AMMECR1: variants seen among roughly 807,000 people sequenced by gnomAD.
The protein encoded by AMMECR1 is AMMECR nuclear protein 1.
Under a neutral mutation model 22.5 loss-of-function variants are expected in AMMECR1, and 3 were observed. The ratio of observed to expected loss-of-function variants is 0.13; its 90% CI spans 0.06 to 0.35. AMMECR1 has a LOEUF of 0.35. Among genes scored for constraint, AMMECR1 ranks in the 10% least tolerant of loss-of-function variants. The pLI is 1.00. For synonymous variants in AMMECR1, 130 were observed against 116.7 expected (o/e 1.11, Z -0.74); for missense variants, 235 against 278.7 (o/e 0.84, Z 1.12).
chrX:110,350,843 G>T (rs1211366885), intron 2 of AMMECR1, among the ~76,000 whole-genome samples: 1 of 109,860 alleles, frequency 9.1e-6, no homozygotes, highest in Admixed American at 9.7e-5. Flanking sequence ...ATGGTGGCAC[G>T]CACCCTGTGA....
In AMMECR1 at chrX:110,194,482, AAAG is replaced by A. The variant is rs1418651334; in HGVS notation, c.*4035_*4037del. 1.8e-5 allele frequency: 2 copies of A among 112,054 alleles called. No homozygotes were observed. Among genetic ancestry groups the A allele is most frequent in the Non-Finnish European group, 3.8e-5 (2 of 53,217 alleles). 9.2% of individuals were successfully genotyped at this position (112,054 alleles called of 1,213,427 possible). A position where few individuals can be genotyped will look rare whatever the true frequency, so the allele number is the denominator to read the frequency against. On this transcript the variant is annotated 3_prime_UTR_variant, in exon 6 of 6. Transcript: ENST00000262844. ...GGTAATCAAAAAACAGGTTACTAAG[AAAG>A]AAGGAAAAGAGGAGCTACTCCAGGT...
chrX:110,408,738 C>A (rs921508430), intron 2 of AMMECR1, among the ~76,000 whole-genome samples: 2 of 112,042 alleles, frequency 1.8e-5, no homozygotes, highest in African/African-American at 6.5e-5. Context: ...CTGTTGCATT[C>A]ATGGGGATTC....
intron 2 of AMMECR1, among the ~76,000 whole-genome samples, chrX:110,361,898 C>T (rs2068266018): frequency 8.9e-6 from 1 of 111,951 alleles, no homozygotes; most frequent in African/African-American, 3.2e-5. Context: ...TATACAAAAG[C>T]TGCCATAGAT....
chrX:110,326,814 A>G (rs111632309), intron 2 of AMMECR1, among the ~76,000 whole-genome samples: 1,296 of 111,999 alleles, frequency 0.012, 19 homozygotes, highest in African/African-American at 0.04. Flanking sequence ...AGATAAGGAG[A>G]TCAGTCAGGA....
At chrX:110,294,848 T>G (rs1369720409) in intron 1 of AMMECR1, among the ~76,000 whole-genome samples, 3 of 110,878 alleles carry the variant, frequency 2.7e-5, no homozygotes, top group African/African-American at 6.6e-5. Context: ...CAATTACTTT[T>G]GCACCAACCT....
At chrX:110,386,626 G>A (rs1044386687) in intron 2 of AMMECR1, among the ~76,000 whole-genome samples, 1 of 111,508 alleles carries the variant, frequency 9.0e-6, no homozygotes, top group Non-Finnish European at 1.9e-5. Context: ...GTCATTCTGT[G>A]TAATTTTTTT....
chrX:110,439,909 AC>A (rs2068867486), exon 1 of AMMECR1: 1 of 110,715 alleles, frequency 9.0e-6, no homozygotes, highest in African/African-American at 3.3e-5. Context: ...AGAATTTGGA[AC>A]AGGAAAATGG....
intron 4 of AMMECR1, among the ~76,000 whole-genome samples, chrX:110,201,675 T>C (rs1460585330): frequency 8.9e-6 from 1 of 111,825 alleles, no homozygotes; most frequent in African/African-American, 3.3e-5. Flanking sequence ...CCTTGAAGAC[T>C]TTCTGATCTG....
At chrX:110,339,119 T>C (rs1202407489) in intron 2 of AMMECR1, among the ~76,000 whole-genome samples, 2 of 111,291 alleles carry the variant, frequency 1.8e-5, no homozygotes, top group African/African-American at 6.5e-5. Context: ...TGCCAACCAC[T>C]CTATTTTCGT....
intron 2 of AMMECR1, among the ~76,000 whole-genome samples, chrX:110,343,148 T>C (rs775614889): frequency 3.8e-4 from 43 of 111,888 alleles, no homozygotes; most frequent in African/African-American, 1.3e-3. Flanking sequence ...TCCACCATGA[T>C]CAAGTGGGCT....
At chrX:110,212,411 A>T (rs1033479759) in intron 3 of AMMECR1, among the ~76,000 whole-genome samples, 4 of 111,565 alleles carry the variant, frequency 3.6e-5, no homozygotes, top group Non-Finnish European at 7.5e-5. Flanking sequence ...TCATCCCTTT[A>T]ATTAGGAATT....
chrX:110,236,285 G>A (rs1178140713), intron 2 of AMMECR1, among the ~76,000 whole-genome samples: 8 of 111,484 alleles, frequency 7.2e-5, no homozygotes, highest in Non-Finnish European at 1.3e-4. Context: ...TTTCATTGAA[G>A]TTTTACTACA....
At chrX:110,243,054 G>A (rs1374927758) in intron 2 of AMMECR1, among the ~76,000 whole-genome samples, 1 of 112,248 alleles carries the variant, frequency 8.9e-6, no homozygotes, top group East Asian at 2.8e-4. Flanking sequence ...ACAAGTCAAC[G>A]TCTGTACCAA....
intron 2 of AMMECR1, among the ~76,000 whole-genome samples, chrX:110,423,791 TGTTCTGATCACACAA>T (rs992399991): frequency 1.8e-5 from 2 of 112,361 alleles, no homozygotes; most frequent in African/African-American, 6.5e-5. Flanking sequence ...GGGAATGGTT[TGTTCTGATCACACAA>T]TTTTTTCCAG....
At chrX:110,434,919 G>C (rs1027658562) in intron 1 of AMMECR1, among the ~76,000 whole-genome samples, 2 of 109,236 alleles carry the variant, frequency 1.8e-5, no homozygotes, top group Non-Finnish European at 1.9e-5. Context: ...ACACCAGCCC[G>C]GAGTGAGAAG....
chrX:110,360,102 G>A (rs1200527399), intron 2 of AMMECR1, among the ~76,000 whole-genome samples: 1 of 111,410 alleles, frequency 9.0e-6, no homozygotes, highest in Non-Finnish European at 1.9e-5. Context: ...ACTGTCTCTG[G>A]GCTCAGTTGA....
chrX:110,218,739 G>T (rs1157436982), intron 2 of AMMECR1, among the ~76,000 whole-genome samples: 1 of 110,252 alleles, frequency 9.1e-6, no homozygotes, highest in Non-Finnish European at 1.9e-5. Flanking sequence ...TCACCATTAT[G>T]CAATATTAGA....
chrX:110,241,753 A>G (rs1226076197), intron 2 of AMMECR1, among the ~76,000 whole-genome samples: 1 of 111,000 alleles, frequency 9.0e-6, no homozygotes, highest in Non-Finnish European at 1.9e-5. Flanking sequence ...GGGGAAGGGA[A>G]AAAAGGCTTA....
At chrX:110,294,102 AT>A (rs1291911867) in intron 1 of AMMECR1, among the ~76,000 whole-genome samples, 1 of 112,148 alleles carries the variant, frequency 8.9e-6, no homozygotes, top group Non-Finnish European at 1.9e-5. Context: ...TTAAAATATG[AT>A]TTAAAACCAA....
Sources: gnomAD v4.1 joint callset for allele counts (sites outside exome capture counted in the v4.1 genomes callset) on GRCh38, gnomAD v4.1.1 for gene constraint, MANE v1.5 for transcripts, NCBI Gene and HGNC (gene_info 2026-07-23, HGNC 2026-07-21) for gene names.